The following DDX4 variants were observed in gnomAD, a reference collection of about 807,000 sequenced individuals.
The protein encoded by DDX4 is DEAD-box helicase 4.
A neutral mutation model predicts 100.0 loss-of-function variants in DDX4; 25 were observed. That is an observed-to-expected ratio of 0.25 (90% CI 0.18 to 0.35). DDX4 has a LOEUF of 0.35. Among genes scored for constraint, DDX4 ranks in the 10% least tolerant of loss-of-function variants. The pLI, the probability that DDX4 is intolerant of heterozygous loss-of-function variation, is 1.00. For synonymous variants in DDX4, 259 were observed against 275.7 expected, an observed-to-expected ratio of 0.94 and a Z score of 0.60; for missense variants, 635 against 882.4, an observed-to-expected ratio of 0.72 and a Z score of 3.55.
At chr5:55,796,554 A>T (rs1198643933) in intron 17 of DDX4, among the ~76,000 whole-genome samples, 3 of 152,144 alleles carry the variant, frequency 2.0e-5, no homozygotes, top group African/African-American at 4.8e-5. Context: ...TTCCATCTTC[A>T]TAGACTGATT....
intron 17 of DDX4, among the ~76,000 whole-genome samples, chr5:55,793,040 G>A (rs1349923481): frequency 6.8e-6 from 1 of 147,850 alleles, no homozygotes; most frequent in African/African-American, 2.5e-5. Flanking sequence ...GTGTGTGTGT[G>A]TGTGTGTGTG....
At chr5:55,800,783 AT>A (rs574549896) in intron 18 of DDX4, among the ~76,000 whole-genome samples, 2 of 151,866 alleles carry the variant, frequency 1.3e-5, no homozygotes, top group Non-Finnish European at 2.9e-5. Flanking sequence ...GCTGTGAAAT[AT>A]TTTTTTTGGT....
intron 17 of DDX4, among the ~76,000 whole-genome samples, chr5:55,797,660 G>A (rs192908129): frequency 1.2e-3 from 178 of 152,122 alleles, no homozygotes; most frequent in Non-Finnish European, 2.3e-3. Context: ...GAGAGATTTG[G>A]GCCTCCCCAT....
intron 15 of DDX4, among the ~76,000 whole-genome samples, chr5:55,788,641 T>G (rs1303170170): frequency 6.6e-6 from 1 of 152,200 alleles, no homozygotes; most frequent in Non-Finnish European, 1.5e-5. Context: ...TATTTCATAA[T>G]AAGAACTGAT....
intron 2 of DDX4, 81 bp from the exon 3 acceptor site, chr5:55,746,074 CAATTGTTAT>C (rs1759234779): frequency 1.0e-6 from 1 of 1,001,682 alleles, no homozygotes; most frequent in Admixed American, 2.5e-5. Flanking sequence ...GAACAAAGCT[CAATTGTTAT>C]AATTTTCTAG....
rs766129756 is a variant in DDX4 at position 55,738,995 on chromosome 5, A to G, written c.32A>G (p.Asn11Ser). ...GATGAAGATTGGGAAGCAGAAATCAACCCTCATATGTCTTCCTATGTTCCC... is the reference window on the plus strand; with the variant it reads ...GATGAAGATTGGGAAGCAGAAATCAGCCCTCATATGTCTTCCTATGTTCCC... MGDEDWEAEI[N>S]PHMSSYVPIF... is the part of the protein sequence containing the mutation. The change falls in exon 2 of 22, where the codon AAC becomes AGC. Residue 11 changes from asparagine (N) to serine (S), a missense_variant. Asn to Ser is a conservative substitution (Grantham distance 46, BLOSUM62 1). Transcript: ENST00000505374. 4 of 1,606,726 alleles carry G rather than the reference A, an allele frequency of 2.5e-6. No homozygotes were observed. Among genetic ancestry groups the G allele is most frequent in the Middle Eastern group, 1.7e-4 (1 of 6,054 alleles).
chr5:55,762,843 C>T (rs1373247860), intron 4 of DDX4, among the ~76,000 whole-genome samples: 4 of 152,096 alleles, frequency 2.6e-5, no homozygotes, highest in African/African-American at 9.7e-5. Flanking sequence ...GACTTTCACA[C>T]AGGGCAGAGC....
At chr5:55,789,109 G>A (rs1470925680) in intron 15 of DDX4, among the ~76,000 whole-genome samples, 1 of 152,142 alleles carries the variant, frequency 6.6e-6, no homozygotes, top group East Asian at 1.9e-4. Context: ...TCTTAGAATA[G>A]AGTTTTATCA....
intron 2 of DDX4, chr5:55,742,179 C>T (rs1759013884): frequency 2.2e-6 from 1 of 456,066 alleles, no homozygotes; most frequent in African/African-American, 2.0e-5. Flanking sequence ...TTATATAGTC[C>T]AGAAATCTCA....
chr5:55,796,557 GA>G (rs1742949005), intron 17 of DDX4, among the ~76,000 whole-genome samples: 1 of 151,994 alleles, frequency 6.6e-6, no homozygotes, highest in African/African-American at 2.4e-5. Context: ...CATCTTCATA[GA>G]CTGATTTTTA....
At chr5:55,770,230 C>T (rs983213388) in intron 7 of DDX4, among the ~76,000 whole-genome samples, 5 of 152,118 alleles carry the variant, frequency 3.3e-5, no homozygotes, top group Non-Finnish European at 7.4e-5. Flanking sequence ...CTATGATCTC[C>T]AGAATGTGCT....
At chr5:55,816,216 C>T (rs760577976) in intron 21 of DDX4, among the ~76,000 whole-genome samples, 13 of 152,140 alleles carry the variant, frequency 8.5e-5, no homozygotes, top group Non-Finnish European at 1.6e-4. Context: ...GTTTTCCCCA[C>T]TTGTCAAAAC....
chr5:55,752,137 C>T (rs927592550), intron 3 of DDX4, among the ~76,000 whole-genome samples: 5 of 152,024 alleles, frequency 3.3e-5, no homozygotes, highest in Non-Finnish European at 5.9e-5. Context: ...AGAAAATTTA[C>T]TGTCTTAACC....
intron 7 of DDX4, among the ~76,000 whole-genome samples, chr5:55,772,482 G>A (rs1332185940): frequency 1.3e-5 from 2 of 152,104 alleles, no homozygotes; most frequent in Non-Finnish European, 2.9e-5. Context: ...TTCATAATAG[G>A]TCCTGATATC....
At chr5:55,769,692 A>G (rs2111875462) in intron 7 of DDX4, among the ~76,000 whole-genome samples, 1 of 152,272 alleles carries the variant, frequency 6.6e-6, no homozygotes, top group East Asian at 1.9e-4. Context: ...ACCAAAAAAG[A>G]GCATGAATAG....
intron 8 of DDX4, among the ~76,000 whole-genome samples, chr5:55,780,694 G>A (rs573695363): frequency 6.6e-6 from 1 of 152,294 alleles, no homozygotes; most frequent in East Asian, 1.9e-4. Context: ...AGAATAAGTA[G>A]TGAAATGATG....
chr5:55,797,858 C>T (rs1037121664), intron 17 of DDX4, among the ~76,000 whole-genome samples: 3 of 152,314 alleles, frequency 2.0e-5, no homozygotes, highest in Admixed American at 6.5e-5. Context: ...CCTTTCATCT[C>T]GTCTCACTTG....
At chr5:55,767,859 A>C (rs1490347135) in intron 6 of DDX4, 22 bp from the exon 7 acceptor site, 1 of 1,595,818 alleles carries the variant, frequency 6.3e-7, no homozygotes, top group African/African-American at 1.3e-5. Flanking sequence ...AATGCTATTT[A>C]CATGTTAAAT....
At chr5:55,753,138 T>C (rs1759675088) in intron 3 of DDX4, among the ~76,000 whole-genome samples, 1 of 152,150 alleles carries the variant, frequency 6.6e-6, no homozygotes, top group Non-Finnish European at 1.5e-5. Flanking sequence ...GTAGGTTGCC[T>C]GTTCACTCTG....
Sources: gnomAD v4.1 joint callset for allele counts (sites outside exome capture counted in the v4.1 genomes callset) on GRCh38, gnomAD v4.1.1 for gene constraint, MANE v1.5 for transcripts, NCBI Gene and HGNC (gene_info 2026-07-23, HGNC 2026-07-21) for gene names.